COL12A1: variants seen among roughly 807,000 people sequenced by gnomAD.
COL12A1 encodes collagen type XII alpha 1 chain, also known as collagen alpha-1(XII) chain.
Under a neutral mutation model 349.7 loss-of-function variants are expected in COL12A1, and 114 were observed. The observed-to-expected ratio is 0.33, with a 90% confidence interval of 0.28 to 0.38. The LOEUF (loss-of-function observed/expected upper bound fraction) is 0.38, where lower values mean the gene tolerates loss of function less well. COL12A1 is among the 10% of genes least tolerant of loss of function. COL12A1 has a pLI of 1.00. For synonymous variants in COL12A1, 1,369 were observed against 1,329.0 expected (o/e 1.03, Z -0.66); for missense variants, 3,284 against 3,756.9 (o/e 0.87, Z 3.29).
At chr6:75,164,149 G>A (rs1768162785) in intron 14 of COL12A1, among the ~76,000 whole-genome samples, 1 of 152,154 alleles carries the variant, frequency 6.6e-6, no homozygotes, top group South Asian at 2.1e-4. Context: ...AACCAATCAT[G>A]TGAATATCTG....
At chr6:75,173,769 A>G (rs1768767173) in intron 13 of COL12A1, among the ~76,000 whole-genome samples, 1 of 152,308 alleles carries the variant, frequency 6.6e-6, no homozygotes, top group South Asian at 2.1e-4. Flanking sequence ...GTCCTGTCTC[A>G]TTAATTACAA....
At chr6:75,185,603 A>G (rs1037841072) in intron 8 of COL12A1, among the ~76,000 whole-genome samples, 7 of 152,228 alleles carry the variant, frequency 4.6e-5, no homozygotes, top group Admixed American at 4.6e-4. Flanking sequence ...TTCTTCACAG[A>G]ACTAGAAACA....
chr6:75,176,159 C>A (rs1396091037), intron 12 of COL12A1, among the ~76,000 whole-genome samples: 1 of 152,056 alleles, frequency 6.6e-6, no homozygotes, highest in Admixed American at 6.6e-5. Flanking sequence ...GCCTCCATAG[C>A]AGAACAGGCT....
chr6:75,109,430 A>G (rs755472190), intron 51 of COL12A1, among the ~76,000 whole-genome samples: 1 of 152,066 alleles, frequency 6.6e-6, no homozygotes, highest in Non-Finnish European at 1.5e-5. Flanking sequence ...CCCACTATCT[A>G]CTCTTACTGA....
rs755560964 is a variant in COL12A1, at chr6:75,152,356, A to C, written c.3692T>G (p.Ile1231Ser). The C allele has an allele frequency of 6.2e-7, 1 of 1,613,630 alleles. No homozygotes were observed. Among genetic ancestry groups the C allele is most frequent in the Non-Finnish European group, 8.5e-7 (1 of 1,179,708 alleles). Reference protein sequence around the residue: ...FISRIVEVFDIGPKRVQIALA... With the variant: ...FISRIVEVFDSGPKRVQIALA... ...ACCAATTTGTACTCTTTTGGGGCCA[A>C]TGTCAAAGACTTCCACAATACGAGA... The change falls in exon 18 of 66, where the codon ATT (isoleucine) becomes AGT (serine). Residue 1231 changes from isoleucine to serine, a missense_variant. Around this residue, in one of 2 missense-constraint regions of COL12A1, gnomAD observed 2,601 missense variants for 2,824.8 expected, o/e 0.92. Transcript: ENST00000322507.
At chr6:75,113,513 A>G (rs1403292666) in intron 50 of COL12A1, 89 bp downstream of exon 50, 2 of 1,211,786 alleles carry the variant, frequency 1.7e-6, no homozygotes, top group African/African-American at 3.1e-5. Context: ...AAATATATAT[A>G]TAGTCTATAT....
chr6:75,152,508 C>G, intron 17 of COL12A1, 26 bp from the exon 18 acceptor site: 2 of 1,612,078 alleles, frequency 1.2e-6, no homozygotes, highest in Admixed American at 1.7e-5. Flanking sequence ...TGAGACAAGA[C>G]AGTAAGAAGC....
chr6:75,143,216 C>A, intron 26 of COL12A1, 36 bp downstream of exon 26: 1 of 1,609,988 alleles, frequency 6.2e-7, no homozygotes. Flanking sequence ...ACTAGGAAAA[C>A]AAATATTTTC....
chr6:75,089,963 G>A, intron 63 of COL12A1, 147 bp downstream of exon 63: 2 of 726,608 alleles, frequency 2.8e-6, no homozygotes, highest in Non-Finnish European at 4.6e-6. Context: ...TGGCCTATGA[G>A]TTGCCTAACA....
At chr6:75,137,372 G>A (rs187161465) in intron 31 of COL12A1, 65 bp downstream of exon 31, 1 of 1,421,854 alleles carries the variant, frequency 7.0e-7, no homozygotes, top group Admixed American at 2.4e-5. Flanking sequence ...AGCACTGAGG[G>A]GGAAAAAGAG....
At chr6:75,159,747 A>G (rs1767940290) in intron 14 of COL12A1, among the ~76,000 whole-genome samples, 1 of 151,866 alleles carries the variant, frequency 6.6e-6, no homozygotes, top group Non-Finnish European at 1.5e-5. Flanking sequence ...AGAATTTAGA[A>G]AAATAAAAAG....
chr6:75,170,045 G>A (rs1768543654), intron 13 of COL12A1, among the ~76,000 whole-genome samples: 1 of 152,128 alleles, frequency 6.6e-6, no homozygotes, highest in Admixed American at 6.5e-5. Flanking sequence ...TTCCTACACT[G>A]CTTTTTTCCA....
At position 75,151,185 on chromosome 6, in the gene COL12A1, A is replaced by G. The variant is rs1192484103; in HGVS notation, c.4103T>C (p.Val1368Ala). The G allele has an allele frequency of 6.2e-7, 1 of 1,612,606 alleles. No homozygotes were observed. The highest frequency in any genetic ancestry group is 2.2e-5 in the East Asian group (1 of 44,848). The change falls in exon 21 of 66, where the codon GTG (valine) becomes GCG (alanine). Residue 1368 changes from valine to alanine, a missense_variant. Around this residue, in one of 2 missense-constraint regions of COL12A1, gnomAD observed 2,601 missense variants for 2,824.8 expected, o/e 0.92. Coordinates refer to ENST00000322507, the MANE Select transcript of COL12A1 (RefSeq NM_004370.6). Reference protein sequence around the residue: ...VADFESLSRIVDDLTINLCNS... With the variant: ...VADFESLSRIADDLTINLCNS... ...ACACAAATTAATGGTGAGATCATCC[A>G]CTATCCTGGAGAGTGACTCAAAATC...
intron 60 of COL12A1, among the ~76,000 whole-genome samples, chr6:75,092,361 A>G (rs1767813687): frequency 6.6e-6 from 1 of 152,130 alleles, no homozygotes; most frequent in Non-Finnish European, 1.5e-5. Context: ...AATATTCTAC[A>G]ATTAAAAAAA....
At position 75,125,119 on chromosome 6, in the gene COL12A1, T is replaced by C. The variant is rs781751102; in HGVS notation, c.6607+8A>G. The C allele has an allele frequency of 4.4e-6, 7 of 1,573,790 alleles. No homozygotes were observed. The East Asian group carries it at 1.6e-4, about 36-fold the overall frequency. ...TTTCTCACAACCATGAAAATATCCA[T>C]GACTCACATGTAGTGCCTTGATCTG... On this transcript the variant is annotated splice_region_variant and intron_variant, in intron 40 of 65. Transcript: ENST00000322507.
At chr6:75,195,113 T>C (rs752099488) in intron 2 of COL12A1, among the ~76,000 whole-genome samples, 166 bp from the exon 3 acceptor site, 10 of 152,126 alleles carry the variant, frequency 6.6e-5, no homozygotes, top group South Asian at 2.1e-4. Flanking sequence ...AACTAAAAGC[T>C]GACAAAACAT....
intron 31 of COL12A1, 86 bp from the exon 32 acceptor site, chr6:75,134,941 C>T: frequency 2.1e-6 from 3 of 1,401,344 alleles, no homozygotes; most frequent in Middle Eastern, 3.8e-4. Flanking sequence ...TACAGGGAAG[C>T]TGTTTGAGAC....
chr6:75,181,881 G>A (rs1179849027), intron 10 of COL12A1, among the ~76,000 whole-genome samples: 2 of 151,576 alleles, frequency 1.3e-5, no homozygotes, highest in African/African-American at 4.9e-5. Flanking sequence ...CCTGAGGTCA[G>A]GAGTTCAAGA....
intron 13 of COL12A1, among the ~76,000 whole-genome samples, chr6:75,170,144 A>T (rs979378502): frequency 3.9e-5 from 6 of 152,236 alleles, no homozygotes; most frequent in African/African-American, 1.4e-4. Context: ...AAAGCAAATT[A>T]TCATCCAATT....
Sources: allele counts gnomAD v4.1 joint callset (sites outside exome capture counted in the v4.1 genomes callset), GRCh38; gene constraint gnomAD v4.1.1; regional missense constraint gnomAD v4.1.1; transcripts MANE v1.5; gene names NCBI Gene and HGNC (gene_info 2026-07-23, HGNC 2026-07-21).